The following ANAPC1 variants were observed in gnomAD, a reference collection of about 807,000 sequenced individuals.
The protein encoded by ANAPC1 is anaphase promoting complex subunit 1.
In ANAPC1, 36 loss-of-function variants were observed where a neutral mutation model predicts 208.0. That is an observed-to-expected ratio of 0.17 (90% CI 0.13 to 0.23). The LOEUF (loss-of-function observed/expected upper bound fraction) is 0.23, where lower values mean the gene tolerates loss of function less well. Ranked by LOEUF, ANAPC1 falls within the 10% of genes least tolerant of loss-of-function variation. The pLI is 1.00. For missense variants in ANAPC1, 942 were observed against 2,011.6 expected (o/e 0.47, Z 10.17); for synonymous variants, 378 against 695.2 (o/e 0.54, Z 7.18).
chr2:111,863,783 A>T lies in ANAPC1; in HGVS notation c.944T>A (p.Val315Glu). Residue 315 changes from valine (V) to glutamate (E), a missense_variant, in exon 9 of 48, where the codon GTG becomes GAG. Physicochemically the swap from Val to Glu is moderately radical, Grantham distance 121 (BLOSUM62 -2). Transcript: ENST00000341068. Reference protein sequence around the residue: ...LRSLSKGDSPVTSPFQNYSSI... With the variant: ...LRSLSKGDSPETSPFQNYSSI... ...GGAGTAATTCTGGAAAGGTGAAGTC[A>T]CAGGGGAATCTCCTTTGGAGAGGCT... 3 of 1,614,002 alleles carry T rather than the reference A, an allele frequency of 1.9e-6. No individual in the cohort carries two copies. The highest frequency in any genetic ancestry group is 2.5e-6 in the Non-Finnish European group (3 of 1,179,872).
chr2:111,844,842 C>T (rs1182380044), intron 16 of ANAPC1, among the ~76,000 whole-genome samples: 1 of 152,082 alleles, frequency 6.6e-6, no homozygotes, highest in Non-Finnish European at 1.5e-5. Flanking sequence ...ACATAATTTA[C>T]ACCATTCTTT....
At chr2:111,824,082 C>T (rs1242917678) in intron 24 of ANAPC1, among the ~76,000 whole-genome samples, 2 of 150,158 alleles carry the variant, frequency 1.3e-5, no homozygotes, top group African/African-American at 2.4e-5. Context: ...TATAAAAAGT[C>T]GATTAACTAT....
At chr2:111,823,768 A>G (rs1260802676) in intron 24 of ANAPC1, among the ~76,000 whole-genome samples, 1 of 151,964 alleles carries the variant, frequency 6.6e-6, no homozygotes, top group Non-Finnish European at 1.5e-5. Flanking sequence ...GAAAAACAAG[A>G]GTAAGGTAAC....
rs180861270 is a variant in ANAPC1 at position 111,846,672 on chromosome 2, C to T, written c.1852+466G>A. The stretch of plus-strand genomic sequence containing the variant: ...GCAACCTCCGCATTCTGGGTTCAAG[C>T]GATTCTCCTGCTTCAGACTCCCAAG... On this transcript the variant is annotated intron_variant, in intron 16 of 47. Coordinates refer to ENST00000341068, the MANE Select transcript of ANAPC1 (RefSeq NM_022662.4). Among the ~76,000 whole-genome samples the T allele has an allele frequency of 2.3e-3, 326 of 143,982 alleles. 2 individuals carry two copies. Among genetic ancestry groups the T allele is most frequent in the Non-Finnish European group, 1.9e-3 (127 of 66,868 alleles). The allele number at this position is 143,982 out of a possible 152,430, so 94.5% of individuals were successfully genotyped here. A position where few individuals can be genotyped will look rare whatever the true frequency, so the allele number is the denominator to read the frequency against.
chr2:111,843,176 A>C (rs576741800), intron 17 of ANAPC1, among the ~76,000 whole-genome samples: 1 of 152,362 alleles, frequency 6.6e-6, no homozygotes, highest in Admixed American at 6.5e-5. Context: ...GTGAAATGAG[A>C]AATAGTCATA....
intron 38 of ANAPC1, 59 bp from the exon 39 acceptor site, chr2:111,788,379 G>T: frequency 6.3e-7 from 1 of 1,583,918 alleles, no homozygotes; most frequent in South Asian, 1.1e-5. Flanking sequence ...TACTTTCAAG[G>T]CATTCTTGAG....
downstream of ANAPC1, chr2:111,767,091 T>C (rs1676490266): frequency 2.4e-6 from 1 of 410,210 alleles, no homozygotes; most frequent in Admixed American, 3.0e-5. Flanking sequence ...ATTATGTCTA[T>C]GGAAGCGATG....
chr2:111,858,240 G>T, intron 11 of ANAPC1, 66 bp downstream of exon 11: 11 of 1,239,080 alleles, frequency 8.9e-6, no homozygotes, highest in Non-Finnish European at 1.2e-5. Flanking sequence ...AAAAAGGAAA[G>T]AAAAGAAAAA....
intron 7 of ANAPC1, 37 bp downstream of exon 7, chr2:111,867,986 A>C (rs1682529648): frequency 6.9e-7 from 1 of 1,441,918 alleles, no homozygotes; most frequent in Admixed American, 2.4e-5. Flanking sequence ...GTCAAAAAAA[A>C]AAGAGCTTAT....
chr2:111,778,140 G>C (rs1197428177), intron 45 of ANAPC1, among the ~76,000 whole-genome samples: 1 of 151,862 alleles, frequency 6.6e-6, no homozygotes. Context: ...GATCCTTTAA[G>C]AACATTATTA....
chr2:111,853,703 G>C (rs1390584978), intron 13 of ANAPC1, among the ~76,000 whole-genome samples: 1 of 151,458 alleles, frequency 6.6e-6, no homozygotes, highest in Non-Finnish European at 1.5e-5. Context: ...CTAGAAAGGT[G>C]AATCCTTTCC....
At chr2:111,880,568 A>G (rs565323362) in intron 2 of ANAPC1, 45 bp downstream of exon 2, 1 of 1,545,580 alleles carries the variant, frequency 6.5e-7, no homozygotes, top group Admixed American at 2.0e-5. Context: ...CAAGTAGATT[A>G]TATCACTCTA....
chr2:111,825,201 A>G (rs758013682), intron 22 of ANAPC1, 34 bp from the exon 23 acceptor site: 1 of 1,610,270 alleles, frequency 6.2e-7, no homozygotes, highest in Non-Finnish European at 8.5e-7. Flanking sequence ...TAATTTTGAT[A>G]GTCATCCTGG....
rs1383631827 is a variant in ANAPC1 at position 111,846,234 on chromosome 2, C to T, written c.1852+904G>A. Among the ~76,000 whole-genome samples the T allele has an allele frequency of 3.3e-5, 5 of 151,766 alleles. No individual in the cohort carries two copies. The South Asian group carries it at 1.0e-3, about 31-fold the overall frequency. ...AACATTTTGTTTACTATGCTATGTT[C>T]AGAAATATTCTCCTCAAGCATTTTT... On this transcript the variant is annotated intron_variant, in intron 16 of 47. Transcript: ENST00000341068.
chr2:111,774,045 C>CA (rs1340318111), intron 46 of ANAPC1, among the ~76,000 whole-genome samples: 1 of 151,680 alleles, frequency 6.6e-6, no homozygotes, highest in African/African-American at 2.4e-5. Flanking sequence ...GGTCCAGGCA[C>CA]AAAATCATCA....
At chr2:111,843,292 A>C (rs1680868753) in intron 17 of ANAPC1, 120 bp downstream of exon 17, 5 of 941,190 alleles carry the variant, frequency 5.3e-6, no homozygotes, top group Non-Finnish European at 8.1e-6. Flanking sequence ...ATAAACCTTA[A>C]TATTATTCTA....
At chr2:111,834,399 G>A (rs1680347983) in intron 19 of ANAPC1, among the ~76,000 whole-genome samples, 1 of 151,678 alleles carries the variant, frequency 6.6e-6, no homozygotes, top group Admixed American at 6.6e-5. Flanking sequence ...TCAGGACAAA[G>A]ACTAAAAATC....
At chr2:111,851,923 A>G (rs1408122776) in intron 13 of ANAPC1, among the ~76,000 whole-genome samples, 1 of 152,210 alleles carries the variant, frequency 6.6e-6, no homozygotes, top group Non-Finnish European at 1.5e-5. Flanking sequence ...AAAACTTGAT[A>G]AGACTAAAAA....
intron 34 of ANAPC1, among the ~76,000 whole-genome samples, chr2:111,797,739 C>A (rs1272900799): frequency 6.9e-6 from 1 of 145,270 alleles, no homozygotes; most frequent in Non-Finnish European, 1.5e-5. Context: ...AACTACTGAT[C>A]TATGCATTTG....
Sources: gnomAD v4.1 joint callset for allele counts (sites outside exome capture counted in the v4.1 genomes callset) on GRCh38, gnomAD v4.1.1 for gene constraint, MANE v1.5 for transcripts, NCBI Gene and HGNC (gene_info 2026-07-23, HGNC 2026-07-21) for gene names.